ABLIM2: variants seen among roughly 807,000 people sequenced by gnomAD.
ABLIM2 encodes actin binding LIM protein family member 2, also known as actin-binding LIM protein 2.
A neutral mutation model predicts 97.7 loss-of-function variants in ABLIM2; 53 were observed. The observed-to-expected ratio is 0.54, with a 90% CI of 0.44 to 0.68. The LOEUF is 0.68. Among genes scored for constraint, ABLIM2 ranks in the 30% least tolerant of loss-of-function variants. The probability of loss-of-function intolerance (pLI) is 0.00; values close to 1 mark genes in which losing one functional copy is unlikely to be tolerated. For missense variants in ABLIM2, 835 were observed against 867.2 expected, an observed-to-expected ratio of 0.96 and a Z score of 0.47; for synonymous variants, 361 against 345.8, an observed-to-expected ratio of 1.04 and a Z score of -0.49.
chr4:8,104,012 G>A (rs1228613054), intron 2 of ABLIM2, among the ~76,000 whole-genome samples: 7 of 152,332 alleles, frequency 4.6e-5, no homozygotes, highest in South Asian at 4.1e-4. Context: ...TAAATCCCAC[G>A]ATGCCCTGGA....
At chr4:8,070,244 C>T (rs1811041126) in intron 6 of ABLIM2, among the ~76,000 whole-genome samples, 1 of 147,058 alleles carries the variant, frequency 6.8e-6, no homozygotes, top group Non-Finnish European at 1.5e-5. Flanking sequence ...TCCTGTGTCT[C>T]TGTGTCCACG....
rs555447090 is a variant in ABLIM2 at position 8,097,105 on chromosome 4, A to C, written c.332T>G (p.Val111Gly). 3.8e-5 allele frequency: 61 copies of C among 1,604,964 alleles called. No homozygotes were observed. The African/African-American group carries it at 7.5e-4, about 20-fold the overall frequency. ...CAGGTGCCCACTTACTCACCGGCAG[A>C]CGGCACACACGAAGCAGTCGGGGTG... ...TYHPDCFVCAVCRLPFPPGDR... is the reference protein window; with the variant it reads ...TYHPDCFVCAGCRLPFPPGDR... The change falls in exon 3 of 21, where the codon GTC becomes GGC. Residue 111 changes from valine to glycine, a missense_variant. Transcript: ENST00000447017.
At position 7,966,940 on chromosome 4, in the gene ABLIM2, G is replaced by T. The variant is rs764576988; in HGVS notation, c.*50C>A. ...GGGGTGTGTGCGGTTCTCGCCAGGG[G>T]CCCCTGGCCTCGGCGCCCGGCACAC... On this transcript the variant is annotated 3_prime_UTR_variant, in exon 21 of 21. Coordinates refer to ENST00000447017, the MANE Select transcript of ABLIM2 (RefSeq NM_001130083.2). 1.4e-5 allele frequency: 21 copies of T among 1,465,920 alleles called. No homozygotes were observed. In the South Asian group the frequency reaches 2.3e-4, roughly 16 times the overall value. 90.8% of individuals were successfully genotyped at this position (1,465,920 alleles called of 1,614,324 possible). A position where few individuals can be genotyped will look rare whatever the true frequency, so the allele number is the denominator to read the frequency against.
At chr4:7,979,442 A>C (rs1313908425) in intron 20 of ABLIM2, among the ~76,000 whole-genome samples, 1 of 152,240 alleles carries the variant, frequency 6.6e-6, no homozygotes, top group Non-Finnish European at 1.5e-5. Flanking sequence ...GAATGTGAAA[A>C]CAAGTTGCTG....
chr4:8,070,253 C>T (rs1314444397), intron 6 of ABLIM2, among the ~76,000 whole-genome samples: 2 of 146,208 alleles, frequency 1.4e-5, no homozygotes, highest in African/African-American at 5.1e-5. Context: ...TCTGTGTCCA[C>T]GTGTGTTGTC....
Position 8,072,667 on chromosome 4 carries a change from C to T in ABLIM2, c.675+4961G>A, listed in dbSNP as rs1322984879. ...CCGGGCTCCAGTCTGGCTCTGCCAC[C>T]GACTCTCAGTGGCTGATGGCCGGGC... On this transcript the variant is annotated intron_variant, in intron 6 of 20. Transcript: ENST00000447017. The surrounding 1 kb of genome is among the most constrained non-coding windows in gnomAD (Gnocchi z 5.8). 1.3e-5 allele frequency among the ~76,000 whole-genome samples: 2 copies of T among 152,216 alleles called. No homozygotes were observed. Among genetic ancestry groups the T allele is most frequent in the East Asian group, 1.9e-4 (1 of 5,196 alleles).
rs956615110 is a variant in ABLIM2 at position 8,007,028 on chromosome 4, C to G, written c.1618+1031G>C. ...GATCATACACAAGCAACACACCTTT[C>G]TTTGTTTAAAGTGATTCTTTAACAC... On this transcript the variant is annotated intron_variant, in intron 16 of 20. Coordinates refer to ENST00000447017, the MANE Select transcript of ABLIM2 (RefSeq NM_001130083.2). 3.0e-6 allele frequency: 3 copies of G among 985,328 alleles called. No homozygotes were observed. In the African/African-American group the frequency reaches 5.2e-5, roughly 17 times the overall value. 61.0% of individuals were successfully genotyped at this position (985,328 alleles called of 1,614,324 possible).
At position 8,122,973 on chromosome 4, in the gene ABLIM2, G is replaced by A. The variant is rs139258772; in HGVS notation, c.11-16336C>T. Among the ~76,000 whole-genome samples the A allele has an allele frequency of 1.8e-3, 277 of 152,254 alleles. 2 individuals are homozygous for A. Among genetic ancestry groups the A allele is most frequent in the Middle Eastern group, 0.017 (5 of 294 alleles). On this transcript the variant is annotated intron_variant, in intron 1 of 20. Transcript: ENST00000447017. This position sits in a 1 kb window ranked among gnomAD's most constrained non-coding sequence, Gnocchi z 4.1. ...GTCTGGGACCTGACCAGTGTGGGAC[G>A]TCTTCCCGGAGGTCGTGCCTGCCTC...
Position 8,003,561 on chromosome 4 carries a change from CTTTTTTTTTTTTT to C in ABLIM2, c.1618+4485_1618+4497del, listed in dbSNP as rs796877068. Among the ~76,000 whole-genome samples the C allele has an allele frequency of 5.3e-3, 642 of 120,190 alleles. 5 individuals are homozygous for C. The highest frequency in any genetic ancestry group is 0.018 in the African/African-American group (606 of 33,082). 78.8% of individuals were successfully genotyped at this position (120,190 alleles called of 152,430 possible). The stretch of plus-strand genomic sequence containing the variant: ...ACCACTACGCTCTTCTTCCAGTTTT[CTTTTTTTTTTTTT>C]TTTTTTTTGGAGATGGAGTCTCGCT... On this transcript the variant is annotated intron_variant, in intron 16 of 20. Transcript: ENST00000447017. This position sits in a 1 kb window ranked among gnomAD's most constrained non-coding sequence, Gnocchi z 4.2.
chr4:8,086,047 G>C (rs1823388136), intron 4 of ABLIM2, among the ~76,000 whole-genome samples: 1 of 152,164 alleles, frequency 6.6e-6, no homozygotes, highest in Non-Finnish European at 1.5e-5. Flanking sequence ...AGGCTGGACT[G>C]GGAAGACTGC....
chr4:8,101,711 C>T (rs766348320), intron 2 of ABLIM2, among the ~76,000 whole-genome samples: 32 of 152,280 alleles, frequency 2.1e-4, no homozygotes, highest in Admixed American at 9.8e-4. Flanking sequence ...CCCGCTCTCC[C>T]GAGGGCACAC....
At chr4:7,987,867 T>C (rs75594244) in intron 17 of ABLIM2, among the ~76,000 whole-genome samples, 6,164 of 152,174 alleles carry the variant, frequency 0.041, 241 homozygotes, top group African/African-American at 0.1. Flanking sequence ...AGTTACTGCC[T>C]TTATGTGTGG....
chr4:8,093,442 G>A (rs536863617), intron 3 of ABLIM2, among the ~76,000 whole-genome samples: 2 of 152,256 alleles, frequency 1.3e-5, no homozygotes, highest in South Asian at 4.1e-4. Flanking sequence ...TCTTTATCGT[G>A]CCTTCGTTTC....
Position 8,155,923 on chromosome 4 carries a change from AG to A in ABLIM2, c.10+2756del, listed in dbSNP as rs1204440947. Among the ~76,000 whole-genome samples, 3 of 152,192 alleles carry A rather than the reference AG, an allele frequency of 2.0e-5. No individual in the cohort carries two copies. The highest frequency in any genetic ancestry group is 2.9e-5 in the Non-Finnish European group (2 of 68,032). On this transcript the variant is annotated intron_variant, in intron 1 of 20. Transcript: ENST00000447017. The surrounding 1 kb of genome is among the most constrained non-coding windows in gnomAD (Gnocchi z 4.2). Reference sequence around the variant, plus strand: ...ACAAGCCAAGGAGAGGGGCTTTGGAAGGAAGTAACCCAGCTGACACCTTGAT... The same window carrying A: ...ACAAGCCAAGGAGAGGGGCTTTGGAAGAAGTAACCCAGCTGACACCTTGAT...
intron 16 of ABLIM2, chr4:8,007,153 T>A: frequency 1.0e-6 from 1 of 985,288 alleles, no homozygotes; most frequent in Non-Finnish European, 1.2e-6. Context: ...TTTGCAGGCA[T>A]GAGGATGAGG....
rs537910643 is a variant in ABLIM2, at chr4:8,097,679, G to A, written c.155-397C>T. Among the ~76,000 whole-genome samples the A allele has an allele frequency of 7.2e-5, 11 of 152,254 alleles. No individual in the cohort carries two copies. The East Asian group carries it at 2.1e-3, about 29-fold the overall frequency. On this transcript the variant is annotated intron_variant, in intron 2 of 20. Coordinates refer to ENST00000447017, the MANE Select transcript of ABLIM2 (RefSeq NM_001130083.2). ...GCACTGGGCATACAGATCAGGAAGG[G>A]GCTAATGCCTGATCACCTACTGTGT...
chr4:8,098,279 G>A (rs984925143), intron 2 of ABLIM2, among the ~76,000 whole-genome samples: 1 of 152,212 alleles, frequency 6.6e-6, no homozygotes, highest in Non-Finnish European at 1.5e-5. Flanking sequence ...CAGCCACCAA[G>A]GAAGGGCTTT....
At position 7,966,187 on chromosome 4, in the gene ABLIM2, A is replaced by G. The variant is rs1722892286; in HGVS notation, c.*803T>C. 6.6e-6 allele frequency: 1 copy of G among 152,602 alleles called. No individual in the cohort carries two copies. Among genetic ancestry groups the G allele is most frequent in the Non-Finnish European group, 1.5e-5 (1 of 68,076 alleles). 9.5% of individuals were successfully genotyped at this position (152,602 alleles called of 1,614,324 possible). On this transcript the variant is annotated 3_prime_UTR_variant, in exon 21 of 21. Transcript: ENST00000447017. ...TGTATGAGGACCACACCAAGAACAGACTGAAACCACACAGATCCGAGCGGT... is the reference window on the plus strand; with the variant it reads ...TGTATGAGGACCACACCAAGAACAGGCTGAAACCACACAGATCCGAGCGGT...
intron 16 of ABLIM2, chr4:8,007,356 C>A: frequency 1.0e-6 from 1 of 985,476 alleles, no homozygotes; most frequent in Non-Finnish European, 1.2e-6. Flanking sequence ...CCCATCCATC[C>A]TCTCCCAGCC....
Sources: allele counts gnomAD v4.1 joint callset (sites outside exome capture counted in the v4.1 genomes callset), GRCh38; gene constraint gnomAD v4.1.1; non-coding constraint Gnocchi (gnomAD v3.1); transcripts MANE v1.5; gene names NCBI Gene and HGNC (gene_info 2026-07-23, HGNC 2026-07-21).